Variants in SLIT3 observed in about 807,000 individuals in gnomAD.
SLIT3 encodes slit homolog 3 protein.
A neutral mutation model predicts 184.0 loss-of-function variants in SLIT3; 68 were observed. The observed-to-expected ratio is 0.37, with a 90% CI of 0.30 to 0.45. The LOEUF is 0.45. Among genes scored for constraint, SLIT3 ranks in the 20% least tolerant of loss-of-function variants. SLIT3 has a pLI of 1.00. For synonymous variants in SLIT3, 831 were observed against 828.6 expected, an observed-to-expected ratio of 1.00 and a Z score of -0.05; for missense variants, 1,707 against 2,026.0, an observed-to-expected ratio of 0.84 and a Z score of 3.02.
intron 4 of SLIT3, among the ~76,000 whole-genome samples, chr5:169,046,601 A>C (rs1757629789): frequency 6.6e-6 from 1 of 152,176 alleles, no homozygotes; most frequent in Non-Finnish European, 1.5e-5. Context: ...AAGGGTTGAG[A>C]ATCACTTTCT....
At chr5:169,106,032 C>T (rs1305177282) in intron 4 of SLIT3, among the ~76,000 whole-genome samples, 4 of 149,322 alleles carry the variant, frequency 2.7e-5, no homozygotes, top group African/African-American at 7.4e-5. Context: ...GGGGAAACAA[C>T]ACATGCTGGA....
chr5:169,021,422 C>T (rs956100282), intron 4 of SLIT3, among the ~76,000 whole-genome samples: 12 of 152,074 alleles, frequency 7.9e-5, no homozygotes, highest in African/African-American at 2.9e-4. Flanking sequence ...ATGATCTCGG[C>T]TCACTGCAAC....
intron 5 of SLIT3, 29 bp from the exon 6 acceptor site, chr5:168,844,684 G>C (rs1443427057): frequency 8.7e-6 from 14 of 1,610,846 alleles, no homozygotes; most frequent in South Asian, 2.2e-5. Flanking sequence ...GAGCATGAAG[G>C]CTGAGCGGGG....
At chr5:168,780,338 T>C (rs1755926170) in intron 12 of SLIT3, among the ~76,000 whole-genome samples, 1 of 152,204 alleles carries the variant, frequency 6.6e-6, no homozygotes. Context: ...GAAAAGACTG[T>C]GGGATAGGAA....
In SLIT3 at chr5:168,882,291, T is replaced by C. The variant is rs543562693; in HGVS notation, c.485+974A>G. Among the ~76,000 whole-genome samples, 8 of 152,218 alleles carry C rather than the reference T, an allele frequency of 5.3e-5. No individual in the cohort carries two copies. The South Asian group carries it at 1.7e-3, about 32-fold the overall frequency. On this transcript the variant is annotated intron_variant, in intron 5 of 35. Transcript: ENST00000519560. ...TCTTCCCTACCCCTCTCCAAAAGCATGTTCCGACCCCGTGGGCACAAAGGT... is the reference window on the plus strand; with the variant it reads ...TCTTCCCTACCCCTCTCCAAAAGCACGTTCCGACCCCGTGGGCACAAAGGT...
At chr5:169,055,715 C>A (rs1174057355) in intron 4 of SLIT3, among the ~76,000 whole-genome samples, 1 of 151,918 alleles carries the variant, frequency 6.6e-6, no homozygotes, top group African/African-American at 2.4e-5. Flanking sequence ...AGCTGTAGTG[C>A]CAGCTACTCG....
intron 23 of SLIT3, among the ~76,000 whole-genome samples, chr5:168,719,385 T>C (rs1419129494): frequency 6.6e-6 from 1 of 152,246 alleles, no homozygotes; most frequent in African/African-American, 2.4e-5. Context: ...TCATTTGTTA[T>C]AGAAATGACT....
intron 4 of SLIT3, among the ~76,000 whole-genome samples, chr5:169,068,766 G>C (rs755483837): frequency 6.6e-6 from 1 of 151,808 alleles, no homozygotes; most frequent in African/African-American, 2.4e-5. Flanking sequence ...CACCCAGCTG[G>C]AGAAGCTCTG....
At chr5:169,226,519 G>A (rs922103707) in intron 3 of SLIT3, among the ~76,000 whole-genome samples, 8 of 152,122 alleles carry the variant, frequency 5.3e-5, no homozygotes, top group African/African-American at 1.9e-4. Flanking sequence ...AACAAATTGG[G>A]TGCCTTCGCC....
intron 4 of SLIT3, among the ~76,000 whole-genome samples, chr5:169,091,576 C>T (rs1224314077): frequency 6.6e-6 from 1 of 152,192 alleles, no homozygotes; most frequent in East Asian, 1.9e-4. Context: ...AAAGGATAAG[C>T]TACCTTGACA....
At chr5:169,189,909 T>C (rs1763494678) in intron 4 of SLIT3, among the ~76,000 whole-genome samples, 1 of 152,130 alleles carries the variant, frequency 6.6e-6, no homozygotes, top group Admixed American at 6.5e-5. Flanking sequence ...AGCGCTATTA[T>C]CTATCTAAAA....
At chr5:169,044,587 T>TGGGGGGGGGGGGGGAGGGG (rs57256659) in intron 4 of SLIT3, among the ~76,000 whole-genome samples, 2 of 70,630 alleles carry the variant, frequency 2.8e-5, no homozygotes, top group African/African-American at 4.2e-5. Context: ...TGGAGGAAGG[T>TGGGGGGGGGGGGGGAGGGG]GGGGGGGGGG....
chr5:169,098,592 A>G (rs1490684215), intron 4 of SLIT3, among the ~76,000 whole-genome samples: 2 of 152,234 alleles, frequency 1.3e-5, no homozygotes, highest in African/African-American at 2.4e-5. Flanking sequence ...CGTACAGTTT[A>G]GTAGACATGA....
chr5:168,687,396 C>T (rs527569481), intron 29 of SLIT3, among the ~76,000 whole-genome samples: 5 of 152,220 alleles, frequency 3.3e-5, no homozygotes, highest in African/African-American at 9.6e-5. Flanking sequence ...CTACATGAAA[C>T]TGACATTCAG....
chr5:168,732,278 G>A (rs1399322517), intron 20 of SLIT3, among the ~76,000 whole-genome samples: 1 of 152,008 alleles, frequency 6.6e-6, no homozygotes, highest in African/African-American at 2.4e-5. Context: ...TGTCTATCAG[G>A]AGAACTACAA....
At chr5:168,859,485 AG>A (rs1287775922) in intron 5 of SLIT3, among the ~76,000 whole-genome samples, 1 of 152,230 alleles carries the variant, frequency 6.6e-6, no homozygotes, top group African/African-American at 2.4e-5. Flanking sequence ...TATGGCACAA[AG>A]ATGGCATAAA....
At chr5:169,044,303 A>G (rs1411311936) in intron 4 of SLIT3, among the ~76,000 whole-genome samples, 1 of 152,202 alleles carries the variant, frequency 6.6e-6, no homozygotes, top group Admixed American at 6.5e-5. Flanking sequence ...ACCTAATACA[A>G]CTGAAAACAT....
chr5:169,240,518 CTA>C (rs1304807902), intron 3 of SLIT3, among the ~76,000 whole-genome samples: 1 of 144,738 alleles, frequency 6.9e-6, no homozygotes, highest in African/African-American at 2.6e-5. Flanking sequence ...TCTTTAAAGT[CTA>C]TATTATCTTT....
intron 4 of SLIT3, among the ~76,000 whole-genome samples, chr5:168,973,919 A>C (rs1192439827): frequency 6.6e-6 from 1 of 152,230 alleles, no homozygotes; most frequent in African/African-American, 2.4e-5. Context: ...AATGCAATTC[A>C]ACAATGTCAA....
Sources: gnomAD v4.1 joint callset for allele counts (sites outside exome capture counted in the v4.1 genomes callset) on GRCh38, gnomAD v4.1.1 for gene constraint, MANE v1.5 for transcripts, NCBI Gene and HGNC (gene_info 2026-07-23, HGNC 2026-07-21) for gene names.